GAS2: variants seen among roughly 807,000 people sequenced by gnomAD.
The protein encoded by GAS2 is growth arrest specific 2.
Under a neutral mutation model 37.5 loss-of-function variants are expected in GAS2, and 20 were observed. The observed-to-expected ratio is 0.53, with a 90% CI of 0.37 to 0.77. The LOEUF is 0.77. GAS2 is among the 30% of genes least tolerant of loss of function. GAS2 has a pLI of 0.00. For synonymous variants in GAS2, 144 were observed against 132.2 expected, an observed-to-expected ratio of 1.09 and a Z score of -0.61; for missense variants, 336 against 373.4, an observed-to-expected ratio of 0.90 and a Z score of 0.82.
intron 1 of GAS2, among the ~76,000 whole-genome samples, chr11:22,643,632 CTA>C (rs903007553): frequency 1.3e-5 from 2 of 151,658 alleles, no homozygotes; most frequent in African/African-American, 2.4e-5. Flanking sequence ...ACTAAATAAA[CTA>C]AATTTATTTT....
intron 3 of GAS2, among the ~76,000 whole-genome samples, chr11:22,720,322 C>G (rs962115081): frequency 6.6e-6 from 1 of 151,928 alleles, no homozygotes; most frequent in African/African-American, 2.4e-5. Context: ...GTTCAACTGT[C>G]CTAAATCATA....
intron 3 of GAS2, among the ~76,000 whole-genome samples, chr11:22,700,206 C>A (rs773921633): frequency 5.9e-5 from 9 of 152,114 alleles, no homozygotes; most frequent in Non-Finnish European, 1.0e-4. Context: ...TAACATAATA[C>A]CTAGCATATA....
intron 5 of GAS2, among the ~76,000 whole-genome samples, chr11:22,743,595 A>C (rs1853214551): frequency 6.6e-6 from 1 of 152,074 alleles, no homozygotes; most frequent in Non-Finnish European, 1.5e-5. Context: ...TTGCTTTTCT[A>C]AGATTCTTCC....
intron 1 of GAS2, among the ~76,000 whole-genome samples, chr11:22,639,316 G>A (rs948534450): frequency 2.0e-4 from 30 of 152,118 alleles, no homozygotes; most frequent in African/African-American, 7.0e-4. Context: ...AATAAGCATA[G>A]ATTGATTTCC....
intron 3 of GAS2, among the ~76,000 whole-genome samples, chr11:22,699,210 A>G (rs1170627435): frequency 6.6e-6 from 1 of 152,202 alleles, no homozygotes. Context: ...TTTGGAAAAG[A>G]TGAATTTATT....
In GAS2 at chr11:22,731,216, C is replaced by T. The variant is rs536711166; in HGVS notation, c.409+4783C>T. ...TTGTTTATTTTGTTTTATTTATACA[C>T]ATTCTGGTGAGCTGGGAGATGGCGA... On this transcript the variant is annotated intron_variant, in intron 4 of 7. Transcript: ENST00000454584. The T allele has an allele frequency of 1.5e-4, 46 of 313,280 alleles. 1 individual carries two copies. The highest frequency in any genetic ancestry group is 1.3e-3 in the South Asian group (45 of 34,754). 19.4% of individuals were successfully genotyped at this position (313,280 alleles called of 1,614,324 possible).
At chr11:22,675,899 G>A (rs1057190025) in intron 2 of GAS2, among the ~76,000 whole-genome samples, 1 of 152,122 alleles carries the variant, frequency 6.6e-6, no homozygotes, top group East Asian at 1.9e-4. Context: ...TTAGTAAGGT[G>A]CACCCTGTCC....
chr11:22,731,755 G>A (rs1187104603), intron 4 of GAS2, among the ~76,000 whole-genome samples: 1 of 151,642 alleles, frequency 6.6e-6, no homozygotes, highest in East Asian at 1.9e-4. Context: ...AAGACTATAA[G>A]AGTATTTTTG....
intron 1 of GAS2, among the ~76,000 whole-genome samples, chr11:22,654,676 G>C (rs542340219): frequency 1.3e-5 from 2 of 152,254 alleles, no homozygotes; most frequent in Admixed American, 1.3e-4. Context: ...AATTACAAAT[G>C]TAAGCCATCA....
chr11:22,671,958 T>G (rs1403458953), intron 1 of GAS2, among the ~76,000 whole-genome samples: 1 of 148,122 alleles, frequency 6.8e-6, no homozygotes. Context: ...AACCGTTGAG[T>G]CATTTAAGTT....
At chr11:22,713,940 A>G (rs1851536898) in intron 3 of GAS2, among the ~76,000 whole-genome samples, 1 of 152,188 alleles carries the variant, frequency 6.6e-6, no homozygotes, top group African/African-American at 2.4e-5. Flanking sequence ...ACACAATGAG[A>G]AAACAATGAG....
At chr11:22,721,258 G>C (rs1235309494) in intron 3 of GAS2, among the ~76,000 whole-genome samples, 1 of 152,004 alleles carries the variant, frequency 6.6e-6, no homozygotes, top group Non-Finnish European at 1.5e-5. Context: ...CCTCCTGCGT[G>C]TAAAGCACCA....
intron 3 of GAS2, among the ~76,000 whole-genome samples, chr11:22,712,291 G>C (rs1851445157): frequency 1.3e-5 from 2 of 152,154 alleles, no homozygotes; most frequent in African/African-American, 4.8e-5. Context: ...CTCCCACAGA[G>C]TCCACTTTAC....
rs1857201623 is a variant in GAS2, at chr11:22,812,023, T to C, written c.*7T>C. The C allele has an allele frequency of 6.2e-7, 1 of 1,610,432 alleles. No homozygotes were observed. Among genetic ancestry groups the C allele is most frequent in the East Asian group, 2.2e-5 (1 of 44,858 alleles). Reference sequence around the variant, plus strand: ...TAAGAAGGAAATTAAGTGAAACAAATTGGTCATGACAAGGGGACCCTCATA... The same window carrying C: ...TAAGAAGGAAATTAAGTGAAACAAACTGGTCATGACAAGGGGACCCTCATA... On this transcript the variant is annotated 3_prime_UTR_variant, in exon 8 of 8. Coordinates refer to ENST00000454584, the MANE Select transcript of GAS2 (RefSeq NM_001143830.3).
At chr11:22,685,902 C>A in intron 3 of GAS2, 113 bp downstream of exon 3, 1 of 962,624 alleles carries the variant, frequency 1.0e-6, no homozygotes, top group Non-Finnish European at 1.5e-6. Context: ...AAGGTCTATA[C>A]TAACAACAAA....
chr11:22,740,682 CCT>C (rs1384189112), intron 5 of GAS2, among the ~76,000 whole-genome samples: 2 of 152,104 alleles, frequency 1.3e-5, no homozygotes, highest in African/African-American at 4.8e-5. Context: ...CTGTTTTACC[CCT>C]GTGTTGAAGC....
intron 3 of GAS2, among the ~76,000 whole-genome samples, chr11:22,718,116 CTGAG>C (rs1483796472): frequency 8.5e-5 from 13 of 152,124 alleles, no homozygotes; most frequent in African/African-American, 3.1e-4. Flanking sequence ...AATCCCACTA[CTGAG>C]TATCTACCCA....
intron 4 of GAS2, 80 bp from the exon 5 acceptor site, chr11:22,737,625 G>A: frequency 2.3e-6 from 3 of 1,298,764 alleles, no homozygotes; most frequent in South Asian, 2.4e-5. Flanking sequence ...CACGAGGAAT[G>A]AGGGTCATTG....
At chr11:22,640,845 AAC>A (rs1456000016) in intron 1 of GAS2, among the ~76,000 whole-genome samples, 10 of 152,292 alleles carry the variant, frequency 6.6e-5, no homozygotes, top group African/African-American at 2.2e-4. Context: ...TTACTGCTCT[AAC>A]ACAGGCATTC....
Sources: allele counts gnomAD v4.1 joint callset (sites outside exome capture counted in the v4.1 genomes callset), GRCh38; gene constraint gnomAD v4.1.1; transcripts MANE v1.5; gene names NCBI Gene and HGNC (gene_info 2026-07-23, HGNC 2026-07-21).